Variants in ACSBG1 observed in about 807,000 individuals in gnomAD.
ACSBG1 encodes the protein acyl-CoA synthetase bubblegum family member 1, also known as long-chain-fatty-acid--CoA ligase ACSBG1.
ACSBG1 carries 39 observed loss-of-function variants against 80.2 expected under a neutral mutation model. The observed-to-expected ratio is 0.49, with a 90% confidence interval of 0.38 to 0.64. The LOEUF (loss-of-function observed/expected upper bound fraction) is 0.64, where lower values mean the gene tolerates loss of function less well. Ranked by LOEUF, ACSBG1 falls within the 30% of genes least tolerant of loss-of-function variation. The probability of loss-of-function intolerance (pLI) is 0.00; values close to 1 mark genes in which losing one functional copy is unlikely to be tolerated. For missense variants in ACSBG1, 828 were observed against 966.4 expected (o/e 0.86, Z 1.90); for synonymous variants, 392 against 379.5 (o/e 1.03, Z -0.38).
In ACSBG1 at chr15:78,208,035, C is replaced by G; in HGVS notation, c.199G>C (p.Glu67Gln). The stretch of plus-strand genomic sequence containing the variant: ...TCCCACTGGGCATTATTCACCTTCT[C>G]TGGCACTGAGAGCTCGAGAGCATGG... ...LNHALELSVP[E>Q]KVNNAQWDAP... Residue 67 changes from glutamate to glutamine, a missense_variant, in exon 2 of 14, where the codon GAG becomes CAG. Physicochemically the swap from Glu to Gln is conservative, Grantham distance 29. Transcript: ENST00000258873. 1 of 1,600,416 alleles carries G rather than the reference C, an allele frequency of 6.2e-7. No individual in the cohort carries two copies. The highest frequency in any genetic ancestry group is 8.5e-7 in the Non-Finnish European group (1 of 1,171,226).
intron 2 of ACSBG1, among the ~76,000 whole-genome samples, chr15:78,196,837 CG>C (rs1328200057): frequency 6.6e-6 from 1 of 151,518 alleles, no homozygotes; most frequent in Non-Finnish European, 1.5e-5. Context: ...GAGACTGAGG[CG>C]GGGTATCACT....
intron 2 of ACSBG1, among the ~76,000 whole-genome samples, chr15:78,195,699 G>T (rs1207919275): frequency 1.3e-5 from 2 of 152,126 alleles, no homozygotes; most frequent in Non-Finnish European, 2.9e-5. Context: ...TTCCAAATTT[G>T]CAAAGGAAGC....
intron 1 of ACSBG1, among the ~76,000 whole-genome samples, chr15:78,216,622 A>AT (rs1210861897): frequency 6.6e-6 from 1 of 152,158 alleles, no homozygotes; most frequent in African/African-American, 2.4e-5. Context: ...TAGGAAGAAC[A>AT]TATTTGGAGC....
intron 5 of ACSBG1, among the ~76,000 whole-genome samples, chr15:78,183,186 G>C (rs1051289164): frequency 6.6e-6 from 1 of 152,144 alleles, no homozygotes; most frequent in Non-Finnish European, 1.5e-5. Flanking sequence ...ATTATTAAGT[G>C]AAAAAAGGAA....
chr15:78,181,051 C>A (rs1486432193), intron 8 of ACSBG1, 115 bp from the exon 9 acceptor site: 8 of 1,201,568 alleles, frequency 6.7e-6, no homozygotes, highest in Non-Finnish European at 9.1e-6. Flanking sequence ...GGCACCCACA[C>A]ACACCTGCAC....
chr15:78,174,543 GC>G lies in ACSBG1; in HGVS notation c.1703-20del. The G allele has an allele frequency of 6.2e-7, 1 of 1,609,668 alleles. No homozygotes were observed. Among genetic ancestry groups the G allele is most frequent in the Non-Finnish European group, 8.5e-7 (1 of 1,177,558 alleles). On this transcript the variant is annotated intron_variant, in intron 11 of 13. Coordinates refer to ENST00000258873, the MANE Select transcript of ACSBG1 (RefSeq NM_015162.5). The stretch of plus-strand genomic sequence containing the variant: ...ATTAATTCTGGGGAGGCAAGGCCAG[GC>G]CCCCGGCACAGAATGTAGTCCAGGT...
intron 5 of ACSBG1, among the ~76,000 whole-genome samples, chr15:78,186,800 A>G (rs1321938218): frequency 6.6e-6 from 1 of 152,234 alleles, no homozygotes; most frequent in African/African-American, 2.4e-5. Flanking sequence ...AAAAGCTAGC[A>G]GAAGGCAAGA....
intron 2 of ACSBG1, 31 bp downstream of exon 2, chr15:78,207,971 T>G (rs1595896188): frequency 1.7e-4 from 79 of 475,280 alleles, no homozygotes; most frequent in Non-Finnish European, 2.9e-4. Flanking sequence ...TTTCCCGCCC[T>G]GCCCCACCCT....
chr15:78,208,712 G>A (rs1364526945), intron 1 of ACSBG1, among the ~76,000 whole-genome samples: 1 of 152,174 alleles, frequency 6.6e-6, no homozygotes, highest in Non-Finnish European at 1.5e-5. Context: ...ACGGGTCCAG[G>A]GAGACCTGAG....
intron 1 of ACSBG1, among the ~76,000 whole-genome samples, chr15:78,221,014 C>A (rs990447611): frequency 6.6e-5 from 10 of 152,210 alleles, no homozygotes; most frequent in African/African-American, 2.4e-4. Flanking sequence ...ATGTTCACAG[C>A]AGCACTTTTC....
intron 5 of ACSBG1, among the ~76,000 whole-genome samples, chr15:78,192,874 G>T (rs62011375): frequency 0.048 from 7,362 of 152,210 alleles, 203 homozygotes; most frequent in South Asian, 0.17. Context: ...TGCCTTAAAG[G>T]CTGTTGGGTT....
intron 1 of ACSBG1, among the ~76,000 whole-genome samples, chr15:78,231,470 C>CAG: frequency 6.6e-6 from 1 of 151,812 alleles, no homozygotes; most frequent in South Asian, 2.1e-4. Context: ...ATTTTTTGTA[C>CAG]AGACAGGGTT....
chr15:78,207,702 C>T (rs2075228394), intron 2 of ACSBG1: 1 of 386,480 alleles, frequency 2.6e-6, no homozygotes, highest in South Asian at 4.9e-5. Flanking sequence ...GCCCCAAGTT[C>T]CCAAGGCCTG....
At position 78,227,658 on chromosome 15, in the gene ACSBG1, T is replaced by C. The variant is rs548007901; in HGVS notation, c.131+6713A>G. Among the ~76,000 whole-genome samples the C allele has an allele frequency of 6.6e-5, 10 of 152,284 alleles. No homozygotes were observed. The East Asian group carries it at 1.5e-3, about 23-fold the overall frequency. On this transcript the variant is annotated intron_variant, in intron 1 of 13. Transcript: ENST00000258873. Reference sequence around the variant, plus strand: ...GGATTTACCCAAGAAAATGAGAACATATGTCCACAAAAACACCTTATACAA... The same window carrying C: ...GGATTTACCCAAGAAAATGAGAACACATGTCCACAAAAACACCTTATACAA...
chr15:78,223,135 G>A (rs1322453865), intron 1 of ACSBG1, among the ~76,000 whole-genome samples: 1 of 152,126 alleles, frequency 6.6e-6, no homozygotes, highest in Non-Finnish European at 1.5e-5. Flanking sequence ...ACTCTCTCAG[G>A]GCACATGCTT....
intron 5 of ACSBG1, among the ~76,000 whole-genome samples, chr15:78,189,148 A>G (rs1228017941): frequency 5.9e-5 from 9 of 151,676 alleles, no homozygotes; most frequent in Non-Finnish European, 1.0e-4. Flanking sequence ...TTAGAATGGC[A>G]ATCATTAAAA....
At chr15:78,174,106 G>A (rs1354177715) in intron 12 of ACSBG1, among the ~76,000 whole-genome samples, 1 of 152,204 alleles carries the variant, frequency 6.6e-6, no homozygotes, top group Non-Finnish European at 1.5e-5. Flanking sequence ...CCACCCTGGG[G>A]TCCAAGTACC....
chr15:78,197,166 A>G (rs993006465), intron 2 of ACSBG1, among the ~76,000 whole-genome samples: 1 of 152,202 alleles, frequency 6.6e-6, no homozygotes. Flanking sequence ...AAACATGTTC[A>G]GTGAAAGAAG....
At chr15:78,179,815 T>TCACA (rs58848105) in intron 9 of ACSBG1, 35 bp from the exon 10 acceptor site, 27,539 of 926,754 alleles carry the variant, frequency 0.03, 160 homozygotes, top group East Asian at 0.097. Flanking sequence ...ACAGAAGAAA[T>TCACA]CACACACACA....
Sources: allele counts gnomAD v4.1 joint callset (sites outside exome capture counted in the v4.1 genomes callset), GRCh38; gene constraint gnomAD v4.1.1; transcripts MANE v1.5; gene names NCBI Gene and HGNC (gene_info 2026-07-23, HGNC 2026-07-21).